The following CHN1 variants were observed in gnomAD, a reference collection of about 807,000 sequenced individuals.
CHN1 encodes N-chimaerin.
A neutral mutation model predicts 59.5 loss-of-function variants in CHN1; 37 were observed. The ratio of observed to expected loss-of-function variants is 0.62; its 90% CI spans 0.48 to 0.82. CHN1 has a LOEUF of 0.82. Among genes scored for constraint, CHN1 ranks in the 40% least tolerant of loss-of-function variants. The pLI, the probability that CHN1 is intolerant of heterozygous loss-of-function variation, is 0.00. For missense variants in CHN1, 469 were observed against 571.0 expected, an observed-to-expected ratio of 0.82 and a Z score of 1.82; for synonymous variants, 206 against 200.4, an observed-to-expected ratio of 1.03 and a Z score of -0.24.
At chr2:174,900,746 AG>A (rs1482691531) in intron 5 of CHN1, among the ~76,000 whole-genome samples, 1 of 152,072 alleles carries the variant, frequency 6.6e-6, no homozygotes, top group African/African-American at 2.4e-5. Flanking sequence ...CAGAGGTTGC[AG>A]TGAGCTGAGA....
intron 5 of CHN1, among the ~76,000 whole-genome samples, chr2:174,907,467 T>G (rs772915123): frequency 1.3e-5 from 2 of 152,160 alleles, no homozygotes; most frequent in Non-Finnish European, 2.9e-5. Context: ...GGCTGACCAA[T>G]CCTTCTTCCA....
chr2:174,822,934 C>A (rs560264382), intron 8 of CHN1, among the ~76,000 whole-genome samples: 2 of 152,324 alleles, frequency 1.3e-5, no homozygotes, highest in African/African-American at 4.8e-5. Context: ...CTTCCTGTGG[C>A]AGGAAGGTCC....
chr2:174,915,658 A>G (rs1297564834), intron 4 of CHN1, among the ~76,000 whole-genome samples: 2 of 152,218 alleles, frequency 1.3e-5, no homozygotes, highest in Non-Finnish European at 2.9e-5. Context: ...AATAATGTGC[A>G]TAATCTGCAT....
intron 10 of CHN1, among the ~76,000 whole-genome samples, 177 bp from the exon 11 acceptor site, chr2:174,809,219 TCTG>T (rs1308956786): frequency 6.6e-6 from 1 of 152,212 alleles, no homozygotes; most frequent in Non-Finnish European, 1.5e-5. Context: ...AAGAGCCTCT[TCTG>T]ATCTCCAGCA....
chr2:174,810,388 T>A (rs1248659828), intron 10 of CHN1, among the ~76,000 whole-genome samples: 1 of 152,166 alleles, frequency 6.6e-6, no homozygotes, highest in Non-Finnish European at 1.5e-5. Flanking sequence ...CTGTTACTGG[T>A]GTTTTCAGGT....
At chr2:174,932,006 G>C (rs1445090259) in intron 3 of CHN1, among the ~76,000 whole-genome samples, 1 of 152,170 alleles carries the variant, frequency 6.6e-6, no homozygotes, top group East Asian at 1.9e-4. Flanking sequence ...CTTTTACTCT[G>C]AGTGACAGGG....
intron 5 of CHN1, among the ~76,000 whole-genome samples, chr2:174,883,965 C>CTTTT (rs141023955): frequency 4.1e-5 from 5 of 121,512 alleles, no homozygotes; most frequent in African/African-American, 1.2e-4. Context: ...AGTCTAACTT[C>CTTTT]TTTTTTTTTT....
At chr2:174,934,289 A>G (rs2105391765) in intron 3 of CHN1, among the ~76,000 whole-genome samples, 1 of 152,348 alleles carries the variant, frequency 6.6e-6, no homozygotes, top group East Asian at 1.9e-4. Flanking sequence ...ATCATCAGGC[A>G]TTAGATTTTC....
chr2:174,961,507 C>T (rs1690407008), intron 1 of CHN1, among the ~76,000 whole-genome samples: 1 of 151,824 alleles, frequency 6.6e-6, no homozygotes, highest in Non-Finnish European at 1.5e-5. Flanking sequence ...AGGAGAATCG[C>T]TTGAACCCGG....
intron 6 of CHN1, among the ~76,000 whole-genome samples, chr2:174,873,135 CT>C (rs1687462143): frequency 6.6e-6 from 1 of 151,954 alleles, no homozygotes; most frequent in Non-Finnish European, 1.5e-5. Flanking sequence ...ACTAAACTGG[CT>C]TTTTAATGCA....
chr2:174,929,000 T>C (rs1558985600), intron 3 of CHN1, among the ~76,000 whole-genome samples: 1 of 152,068 alleles, frequency 6.6e-6, no homozygotes, highest in East Asian at 1.9e-4. Flanking sequence ...ATCAGGAAAA[T>C]GAGAATCAGA....
chr2:174,994,522 G>A (rs1296621961), intron 1 of CHN1, among the ~76,000 whole-genome samples: 4 of 152,076 alleles, frequency 2.6e-5, no homozygotes, highest in Admixed American at 2.6e-4. Context: ...TTTCCCATTA[G>A]GGAACTTCAT....
At position 174,886,244 on chromosome 2, in the gene CHN1, C is replaced by T. The variant is rs577121848; in HGVS notation, c.261-8116G>A. On this transcript the variant is annotated intron_variant, in intron 5 of 12. Transcript: ENST00000409900. ...AAACAATACAATGCTTTTATTTAAT[C>T]ATTTCCATATAAATTACACCATCCT... Among the ~76,000 whole-genome samples the T allele has an allele frequency of 3.3e-5, 5 of 152,284 alleles. No individual in the cohort carries two copies. The South Asian group carries it at 1.0e-3, about 32-fold the overall frequency.
chr2:174,967,562 A>G (rs1199756042), intron 1 of CHN1, among the ~76,000 whole-genome samples: 1 of 152,142 alleles, frequency 6.6e-6, no homozygotes, highest in African/African-American at 2.4e-5. Flanking sequence ...AACCATTCAT[A>G]GCACTTGAAA....
chr2:174,847,099 T>C (rs1343623466), intron 6 of CHN1, 142 bp from the exon 7 acceptor site: 3 of 1,551,484 alleles, frequency 1.9e-6, no homozygotes, highest in Non-Finnish European at 1.7e-6. Context: ...CCCTATTAGT[T>C]TTCCTCCCTG....
chr2:174,871,668 A>G (rs939494350), intron 6 of CHN1, among the ~76,000 whole-genome samples: 12 of 152,216 alleles, frequency 7.9e-5, no homozygotes, highest in African/African-American at 2.4e-4. Context: ...AACTCAAATC[A>G]AAGTGAGTCC....
chr2:174,976,119 T>C (rs1574233726), intron 1 of CHN1, among the ~76,000 whole-genome samples: 3 of 58,584 alleles, frequency 5.1e-5, no homozygotes, highest in East Asian at 5.6e-4. Context: ...AGGGCAAGAC[T>C]CCGTCTCAAA....
At chr2:174,982,700 G>A (rs1250771713) in intron 1 of CHN1, among the ~76,000 whole-genome samples, 1 of 152,146 alleles carries the variant, frequency 6.6e-6, no homozygotes, top group Admixed American at 6.5e-5. Flanking sequence ...ATCAAAACAA[G>A]TGTAAGGTTA....
At chr2:174,997,480 T>C (rs1332623771) in intron 1 of CHN1, among the ~76,000 whole-genome samples, 1 of 152,222 alleles carries the variant, frequency 6.6e-6, no homozygotes, top group Non-Finnish European at 1.5e-5. Flanking sequence ...AATGTACTTA[T>C]CTATGCTCAG....
Sources: gnomAD v4.1 joint callset for allele counts (sites outside exome capture counted in the v4.1 genomes callset) on GRCh38, gnomAD v4.1.1 for gene constraint, MANE v1.5 for transcripts, NCBI Gene and HGNC (gene_info 2026-07-23, HGNC 2026-07-21) for gene names.